Variants in MINDY2 observed in about 807,000 individuals in gnomAD.
The protein encoded by MINDY2 is MINDY lysine 48 deubiquitinase 2.
MINDY2 carries 52 observed loss-of-function variants against 68.2 expected under a neutral mutation model. The ratio of observed to expected loss-of-function variants is 0.76; its 90% CI spans 0.61 to 0.96. The LOEUF (loss-of-function observed/expected upper bound fraction) is 0.96, where lower values mean the gene tolerates loss of function less well. Ranked by LOEUF, MINDY2 falls within the 40% of genes least tolerant of loss-of-function variation. The pLI, the probability that MINDY2 is intolerant of heterozygous loss-of-function variation, is 0.00. For synonymous variants in MINDY2, 372 were observed against 303.0 expected (o/e 1.23, Z -2.36); for missense variants, 881 against 773.4 (o/e 1.14, Z -1.65).
chr15:58,802,583 A>G (rs1424370677), intron 3 of MINDY2, among the ~76,000 whole-genome samples: 1 of 152,032 alleles, frequency 6.6e-6, no homozygotes, highest in Non-Finnish European at 1.5e-5. Flanking sequence ...TTTTTAGCTC[A>G]CAGCCAGATT....
chr15:58,802,375 C>T lies in MINDY2; in HGVS notation c.961C>T (p.Gln321Ter). The T allele has an allele frequency of 1.3e-6, 2 of 1,572,944 alleles. No homozygotes were observed. The highest frequency in any genetic ancestry group is 8.6e-7 in the Non-Finnish European group (1 of 1,156,166). The change falls in exon 3 of 9, where the codon CAG becomes TAG. Residue 321 changes from glutamine to a stop codon, truncating the protein, a stop_gained and splice_region_variant. Transcript: ENST00000559228. LOFTEE classifies it high-confidence loss of function. ...AGAAATTCAACGTTTAAATTATGAA[C>T]AGGTAATAAACAGTTTTTGTTAAAG... ...ISEIQRLNYE[Q>*]NMSDAMAILH...
intron 2 of MINDY2, among the ~76,000 whole-genome samples, chr15:58,789,782 G>A (rs1211714166): frequency 1.3e-5 from 2 of 152,104 alleles, no homozygotes; most frequent in African/African-American, 2.4e-5. Context: ...CGAGTAGCTG[G>A]GATTACAGGC....
At chr15:58,848,822 G>C (rs2032667828) in intron 7 of MINDY2, among the ~76,000 whole-genome samples, 1 of 152,216 alleles carries the variant, frequency 6.6e-6, no homozygotes, top group South Asian at 2.1e-4. Flanking sequence ...AGTTCTGAAA[G>C]TCGTGCTCAT....
At chr15:58,842,045 A>G (rs1290942803) in intron 6 of MINDY2, among the ~76,000 whole-genome samples, 1 of 152,006 alleles carries the variant, frequency 6.6e-6, no homozygotes, top group Non-Finnish European at 1.5e-5. Flanking sequence ...AACTAAGATT[A>G]CATAGCCCCT....
intron 2 of MINDY2, among the ~76,000 whole-genome samples, chr15:58,794,357 GGGTGTGT>G (rs1356463169): frequency 4.9e-5 from 5 of 102,952 alleles, no homozygotes; most frequent in African/African-American, 2.2e-4. Context: ...GTTTTTTTTG[GGGTGTGT>G]GTGTGTGTGT....
chr15:58,833,056 CTT>C (rs1406473819), intron 6 of MINDY2, among the ~76,000 whole-genome samples: 3 of 152,052 alleles, frequency 2.0e-5, no homozygotes, highest in Non-Finnish European at 4.4e-5. Context: ...CTGTTTTACT[CTT>C]TTTATCTCTT....
At chr15:58,803,945 G>GAAAAAAAAAAA (rs34082956) in intron 3 of MINDY2, among the ~76,000 whole-genome samples, 27 of 77,228 alleles carry the variant, frequency 3.5e-4, no homozygotes, top group South Asian at 4.5e-4. Context: ...CAGCTCTACT[G>GAAAAAAAAAAA]AAAAAAAAAA....
intron 2 of MINDY2, among the ~76,000 whole-genome samples, chr15:58,801,972 A>G (rs1190044279): frequency 1.3e-5 from 2 of 152,238 alleles, no homozygotes; most frequent in Admixed American, 6.5e-5. Flanking sequence ...TAGAAGACTG[A>G]TAATACCCAT....
In MINDY2 at chr15:58,837,968, CAAAAAAAAAA is replaced by C. The variant is rs34909401; in HGVS notation, c.1368+6065_1368+6074del. On this transcript the variant is annotated intron_variant, in intron 6 of 8. Transcript: ENST00000559228. ...TGGATGACAGAGTAAGACCTTCTTT[CAAAAAAAAAA>C]AAAAAAAAAAAAGGAAAAATTATAT... Among the ~76,000 whole-genome samples, 367 of 75,134 alleles carry C rather than the reference CAAAAAAAAAA, an allele frequency of 4.9e-3. 5 individuals are homozygous for C. The East Asian group carries it at 0.084, about 17-fold the overall frequency. 49.3% of individuals were successfully genotyped at this position (75,134 alleles called of 152,430 possible).
chr15:58,791,111 C>T (rs562493955), intron 2 of MINDY2, among the ~76,000 whole-genome samples: 16 of 145,668 alleles, frequency 1.1e-4, no homozygotes, highest in South Asian at 6.6e-4. Flanking sequence ...ACCCAGGCGG[C>T]GGAGGTTGCA....
chr15:58,814,851 C>T (rs1300154282), intron 4 of MINDY2, among the ~76,000 whole-genome samples: 3 of 150,288 alleles, frequency 2.0e-5, no homozygotes, highest in South Asian at 2.1e-4. Context: ...CTTGAACTCC[C>T]AGGCTGGTCT....
intron 4 of MINDY2, among the ~76,000 whole-genome samples, chr15:58,813,766 C>T (rs1163700384): frequency 2.0e-5 from 3 of 150,552 alleles, no homozygotes; most frequent in African/African-American, 4.9e-5. Flanking sequence ...TTTAAGAAAG[C>T]GACAAACTGT....
intron 2 of MINDY2, among the ~76,000 whole-genome samples, chr15:58,788,904 C>T (rs767487734): frequency 2.6e-5 from 4 of 152,082 alleles, no homozygotes; most frequent in Non-Finnish European, 4.4e-5. Context: ...CCCAACTATT[C>T]GGGAGGCTGA....
intron 4 of MINDY2, among the ~76,000 whole-genome samples, chr15:58,818,669 T>TTTTTGG (rs57170334): frequency 6.7e-6 from 1 of 148,476 alleles, no homozygotes; most frequent in African/African-American, 2.4e-5. Flanking sequence ...TTTTTTTTTT[T>TTTTTGG]GAGACAGTGT....
At chr15:58,828,738 T>A (rs796577724) in intron 5 of MINDY2, among the ~76,000 whole-genome samples, 17 of 152,088 alleles carry the variant, frequency 1.1e-4, no homozygotes, top group African/African-American at 3.9e-4. Context: ...TTTTTTTGTA[T>A]TTTTAGTAGA....
chr15:58,791,218 TA>T (rs1901877245), intron 2 of MINDY2, among the ~76,000 whole-genome samples: 1 of 16,292 alleles, frequency 6.1e-5, no homozygotes, highest in Admixed American at 7.7e-4. Context: ...AGCAATTTTA[TA>T]TATATATATA....
intron 4 of MINDY2, among the ~76,000 whole-genome samples, chr15:58,812,790 T>G (rs1826958623): frequency 6.6e-6 from 1 of 152,292 alleles, no homozygotes; most frequent in Non-Finnish European, 1.5e-5. Context: ...CCCAGGAGGT[T>G]GAAGCTGCAG....
intron 2 of MINDY2, among the ~76,000 whole-genome samples, chr15:58,793,943 G>T (rs1902101127): frequency 1.3e-5 from 2 of 152,170 alleles, no homozygotes. Flanking sequence ...AGTGAAACCA[G>T]CCAGCATGGT....
intron 1 of MINDY2, among the ~76,000 whole-genome samples, chr15:58,786,172 G>C (rs1053532556): frequency 6.6e-6 from 1 of 152,086 alleles, no homozygotes; most frequent in East Asian, 1.9e-4. Context: ...TTTACTTGTT[G>C]ATTAAAACAA....
Sources: gnomAD v4.1 joint callset for allele counts (sites outside exome capture counted in the v4.1 genomes callset) on GRCh38, gnomAD v4.1.1 for gene constraint, MANE v1.5 for transcripts, NCBI Gene and HGNC (gene_info 2026-07-23, HGNC 2026-07-21) for gene names.